Variants in TG observed in about 807,000 individuals in gnomAD.
The protein encoded by TG is thyroid hormones.
TG carries 270 observed loss-of-function variants against 324.7 expected under a neutral mutation model. The observed-to-expected ratio is 0.83, with a 90% confidence interval of 0.75 to 0.92. The LOEUF (loss-of-function observed/expected upper bound fraction) is 0.92, where lower values mean the gene tolerates loss of function less well. Ranked by LOEUF, TG falls within the 40% of genes least tolerant of loss-of-function variation. The pLI is 0.00. For missense variants in TG, 3,591 were observed against 3,456.4 expected (o/e 1.04, Z -0.98); for synonymous variants, 1,401 against 1,327.0 (o/e 1.06, Z -1.21).
chr8:133,083,916 C>G (rs1439984260), intron 41 of TG, among the ~76,000 whole-genome samples: 2 of 152,184 alleles, frequency 1.3e-5, no homozygotes, highest in Non-Finnish European at 2.9e-5. Flanking sequence ...GCTCCCCTCT[C>G]TCTGCATGGA....
intron 16 of TG, among the ~76,000 whole-genome samples, chr8:132,903,272 G>C (rs114559569): frequency 6.6e-6 from 1 of 152,186 alleles, no homozygotes; most frequent in African/African-American, 2.4e-5. Context: ...ATTTGTAAAG[G>C]CTTCATCATG....
intron 27 of TG, among the ~76,000 whole-genome samples, chr8:132,958,502 G>A (rs563126872): frequency 7.2e-5 from 11 of 152,056 alleles, no homozygotes; most frequent in Non-Finnish European, 1.3e-4. Context: ...GGTGGATCAC[G>A]AGGTCAGGAG....
intron 27 of TG, 101 bp downstream of exon 27, chr8:132,949,044 T>A: frequency 9.6e-7 from 1 of 1,042,600 alleles, no homozygotes; most frequent in Non-Finnish European, 1.4e-6. Flanking sequence ...CCTGAGGAGC[T>A]TATACTTCTG....
intron 15 of TG, 74 bp downstream of exon 15, chr8:132,900,413 G>GGACACGAAGCCAGCT: frequency 2.2e-6 from 3 of 1,390,596 alleles, no homozygotes; most frequent in South Asian, 1.2e-5. Context: ...CAAAGAGCTG[G>GGACACGAAGCCAGCT]CTTCGTGTCC....
chr8:132,925,516 C>CGTGTGTGTGTGTGTGTGTGTGTGTGTGT (rs139966752), intron 22 of TG, among the ~76,000 whole-genome samples: 4 of 144,732 alleles, frequency 2.8e-5, no homozygotes, highest in African/African-American at 1.0e-4. Flanking sequence ...CTAAGGAGTG[C>CGTGTGTGTGTGTGTGTGTGTGTGTGTGT]GTGTGTGTGT....
At chr8:133,075,858 G>A (rs1165114899) in intron 41 of TG, among the ~76,000 whole-genome samples, 1 of 152,186 alleles carries the variant, frequency 6.6e-6, no homozygotes, top group Non-Finnish European at 1.5e-5. Context: ...GAGCCTAGGT[G>A]AAGGGGATAT....
chr8:132,906,619 C>G (rs1019287445), intron 16 of TG, 69 bp from the exon 17 acceptor site: 103 of 1,573,282 alleles, frequency 6.5e-5, no homozygotes, highest in Non-Finnish European at 8.9e-5. Flanking sequence ...GAGACACCCA[C>G]AAGCAGGCAT....
chr8:133,043,388 T>G (rs936178478), intron 41 of TG, among the ~76,000 whole-genome samples: 13 of 152,220 alleles, frequency 8.5e-5, no homozygotes, highest in Non-Finnish European at 8.8e-5. Context: ...AACCAACCTT[T>G]TCTCATAACC....
intron 43 of TG, among the ~76,000 whole-genome samples, chr8:133,099,509 A>G (rs1004207293): frequency 6.6e-6 from 1 of 152,124 alleles, no homozygotes; most frequent in Admixed American, 6.5e-5. Context: ...TTCCTCCTGG[A>G]CTTTTCCCTT....
intron 18 of TG, among the ~76,000 whole-genome samples, chr8:132,909,538 G>C (rs1819209642): frequency 6.6e-6 from 1 of 152,168 alleles, no homozygotes; most frequent in Non-Finnish European, 1.5e-5. Context: ...AAGGTGTCAG[G>C]GTATGACCAT....
rs1011600907 is a variant in TG at position 132,989,099 on chromosome 8, T to C, written c.6262+5687T>C. ...GAGCTTGTGCAGGCAAAATGCCATTTTTAAAAGCCGTCAGATGTCCTGAGA... is the reference window on the plus strand; with the variant it reads ...GAGCTTGTGCAGGCAAAATGCCATTCTTAAAAGCCGTCAGATGTCCTGAGA... On this transcript the variant is annotated intron_variant, in intron 35 of 47. Coordinates refer to ENST00000220616, the MANE Select transcript of TG (RefSeq NM_003235.5). Among the ~76,000 whole-genome samples, 4 of 152,172 alleles carry C rather than the reference T, an allele frequency of 2.6e-5. No homozygotes were observed. In the East Asian group the frequency reaches 7.7e-4, roughly 29 times the overall value.
intron 44 of TG, among the ~76,000 whole-genome samples, chr8:133,115,141 CT>C (rs139351554): frequency 0.065 from 9,837 of 152,122 alleles, 1,062 homozygotes; most frequent in African/African-American, 0.22. Context: ...AGGTTCTTGC[CT>C]TAATTTTGCC....
intron 8 of TG, 89 bp from the exon 9 acceptor site, chr8:132,886,359 C>T (rs1030439018): frequency 1.9e-6 from 3 of 1,558,540 alleles, no homozygotes; most frequent in Admixed American, 1.7e-5. Context: ...AATGTTCTGG[C>T]TTCTTACTAC....
intron 41 of TG, chr8:133,050,652 C>A (rs1840229570): frequency 1.0e-5 from 6 of 600,130 alleles, no homozygotes; most frequent in Admixed American, 5.8e-5. Context: ...AGAGCACTGG[C>A]CACATTAAAG....
At position 132,965,585 on chromosome 8, in the gene TG, C is replaced by A. The variant is rs4736616; in HGVS notation, c.5549-975C>A. 4.0e-3 allele frequency among the ~76,000 whole-genome samples: 603 copies of A among 152,260 alleles called. 1 individual carries two copies. The highest frequency in any genetic ancestry group is 0.013 in the African/African-American group (552 of 41,526). ...GTACATCCCCCTGGAAGACAGAGCC[C>A]TCCAAGGTTACAGAGCTATCCCCAC... On this transcript the variant is annotated intron_variant, in intron 29 of 47. Transcript: ENST00000220616.
At position 133,113,468 on chromosome 8, in the gene TG, A is replaced by G; in HGVS notation, c.7619A>G (p.Tyr2540Cys). Residue 2540 changes from tyrosine to cysteine, a missense_variant, in exon 44 of 48, where the codon TAC becomes TGC. Tyr to Cys is a radical substitution (Grantham distance 194). Coordinates refer to ENST00000220616, the MANE Select transcript of TG (RefSeq NM_003235.5). ...RGRTSSKTAF[Y>C]QALQNSLGGE... ...CGGACCAGTAGCAAAACAGCCTTTT[A>G]CCAGGCACTGCAGAATTCTCTGGGT... is the stretch of plus-strand genomic sequence containing the variant. 6.2e-7 allele frequency: 1 copy of G among 1,613,878 alleles called. No individual in the cohort carries two copies. Among genetic ancestry groups the G allele is most frequent in the Non-Finnish European group, 8.5e-7 (1 of 1,179,980 alleles).
In TG at chr8:132,887,133, G is replaced by T; in HGVS notation, c.1761G>T (p.Val587=). ...FLLFLQHAIS[V]PEDVARDLGD... is the part of the protein sequence containing the mutation. Reference sequence around the variant, plus strand: ...TCTTCTTGCAACATGCTATCTCTGTGCCAGAAGATGTGGCAAGAGATTTAG... The same window carrying T: ...TCTTCTTGCAACATGCTATCTCTGTTCCAGAAGATGTGGCAAGAGATTTAG... Residue 587 remains valine (V), a synonymous_variant, in exon 9 of 48, where the codon GTG becomes GTT. Coordinates refer to ENST00000220616, the MANE Select transcript of TG (RefSeq NM_003235.5). 1.2e-6 allele frequency: 2 copies of T among 1,614,180 alleles called. No individual in the cohort carries two copies. The highest frequency in any genetic ancestry group is 1.1e-5 in the South Asian group (1 of 91,086).
chr8:132,930,826 G>A (rs1410427438), intron 23 of TG, among the ~76,000 whole-genome samples: 1 of 152,168 alleles, frequency 6.6e-6, no homozygotes, highest in Non-Finnish European at 1.5e-5. Context: ...ACTGAGTTCA[G>A]TGTCTAAAAT....
At chr8:132,989,367 T>C (rs1832018755) in intron 35 of TG, among the ~76,000 whole-genome samples, 1 of 152,256 alleles carries the variant, frequency 6.6e-6, no homozygotes, top group South Asian at 2.1e-4. Flanking sequence ...TTCACATGAA[T>C]ACTTCAACAT....
Sources: allele counts gnomAD v4.1 joint callset (sites outside exome capture counted in the v4.1 genomes callset), GRCh38; gene constraint gnomAD v4.1.1; transcripts MANE v1.5; gene names NCBI Gene and HGNC (gene_info 2026-07-23, HGNC 2026-07-21).